The following CEP72 variants were observed in gnomAD, a reference collection of about 807,000 sequenced individuals.
The protein encoded by CEP72 is centrosomal protein 72.
CEP72 carries 78 observed loss-of-function variants against 65.7 expected under a neutral mutation model. The ratio of observed to expected loss-of-function variants is 1.19; its 90% CI spans 0.99 to 1.43. The LOEUF (loss-of-function observed/expected upper bound fraction) is 1.43, where lower values mean the gene tolerates loss of function less well. Ranked by LOEUF, CEP72 falls within the 40% of genes most tolerant of loss-of-function variation. CEP72 has a pLI of 0.00. For synonymous variants in CEP72, 358 were observed against 351.7 expected (o/e 1.02, Z -0.20); for missense variants, 914 against 832.9 (o/e 1.10, Z -1.20).
chr5:674,629 C>A, the CEP72 span, among the ~76,000 whole-genome samples: 2 of 152,108 alleles, frequency 1.3e-5, no homozygotes, highest in East Asian at 3.9e-4. Context: ...TGGTGACCCA[C>A]CAGAGCGGCC....
Position 653,171 on chromosome 5 carries a change from G to A in CEP72, c.*18G>A. On this transcript the variant is annotated 3_prime_UTR_variant, in exon 12 of 12. Transcript: ENST00000264935. ...CCTGCTGACTCCTGCCGAGAAGCTG[G>A]GCCACCCCTTAAGCTTCCTGGTAAA... 1 of 1,583,936 alleles carries A rather than the reference G, an allele frequency of 6.3e-7. No homozygotes were observed. Among genetic ancestry groups the A allele is most frequent in the Non-Finnish European group, 8.6e-7 (1 of 1,167,582 alleles).
intron 11 of CEP72, among the ~76,000 whole-genome samples, chr5:649,133 G>C (rs1738705238): frequency 7.0e-6 from 1 of 143,124 alleles, no homozygotes; most frequent in Non-Finnish European, 1.5e-5. Context: ...TGTGAGGCGT[G>C]ACTGTGAGGC....
chr5:658,987 C>T (rs547320048), downstream of CEP72, among the ~76,000 whole-genome samples: 71 of 152,326 alleles, frequency 4.7e-4, no homozygotes, highest in African/African-American at 1.4e-3. Context: ...CTGATTGATC[C>T]ACCATCTCAT....
downstream of CEP72, among the ~76,000 whole-genome samples, chr5:654,455 CTG>C (rs70955277): frequency 1.1e-4 from 17 of 148,880 alleles, no homozygotes; most frequent in Admixed American, 2.7e-4. Context: ...GTGTGTGCTT[CTG>C]TGTGTGTGTG....
intron 1 of CEP72, among the ~76,000 whole-genome samples, chr5:615,568 C>T (rs897998250): frequency 1.3e-5 from 2 of 152,116 alleles, no homozygotes; most frequent in Non-Finnish European, 2.9e-5. Flanking sequence ...AACTTTTAAC[C>T]TACCTGTATC....
At chr5:619,601 C>T (rs1029462639) in intron 2 of CEP72, among the ~76,000 whole-genome samples, 1 of 152,220 alleles carries the variant, frequency 6.6e-6, no homozygotes, top group African/African-American at 2.4e-5. Context: ...GAGCCTGGTG[C>T]CTGAGCATTA....
downstream of CEP72, among the ~76,000 whole-genome samples, chr5:668,573 T>C (rs934879433): frequency 3.3e-5 from 5 of 152,198 alleles, no homozygotes; most frequent in Non-Finnish European, 7.4e-5. Flanking sequence ...CACCTCGAGC[T>C]GAGCAGGCCG....
At chr5:634,897 TTTG>T (rs1470756657) in intron 5 of CEP72, among the ~76,000 whole-genome samples, 2 of 152,204 alleles carry the variant, frequency 1.3e-5, no homozygotes, top group African/African-American at 4.8e-5. Flanking sequence ...TATTTTGTTT[TTTG>T]TTTTGTTTAT....
Position 639,060 on chromosome 5 carries a change from C to T in CEP72, c.1207-29C>T, listed in dbSNP as rs372315632. On this transcript the variant is annotated intron_variant, in intron 7 of 11. Coordinates refer to ENST00000264935, the MANE Select transcript of CEP72 (RefSeq NM_018140.4). ...ATTCAGGACCTCAGTTACTGACTCG[C>T]TGGCCTCATGCTGTTGTTTCCATCA... The T allele has an allele frequency of 6.6e-5, 107 of 1,612,604 alleles. No homozygotes were observed. In the African/African-American group the frequency reaches 1.1e-3, roughly 17 times the overall value.
rs544690394 is a variant in CEP72, at chr5:624,904, C to T, written c.512+325C>T. 1.3e-5 allele frequency among the ~76,000 whole-genome samples: 2 copies of T among 152,356 alleles called. No individual in the cohort carries two copies. The highest frequency in any genetic ancestry group is 2.1e-4 in the South Asian group (1 of 4,830). Reference sequence around the variant, plus strand: ...TGTGGCTGCCTCTGCTTCCAGCTCTCGCTTCAGCTACTTTCTTAGCTGCCC... The same window carrying T: ...TGTGGCTGCCTCTGCTTCCAGCTCTTGCTTCAGCTACTTTCTTAGCTGCCC... On this transcript the variant is annotated intron_variant, in intron 4 of 11. Transcript: ENST00000264935. The surrounding 1 kb of genome is among the most constrained non-coding windows in gnomAD (Gnocchi z 4.7).
Position 644,483 on chromosome 5 carries a change from G to A in CEP72, c.1666+58G>A, listed in dbSNP as rs1342794525. The A allele has an allele frequency of 3.2e-6, 5 of 1,580,942 alleles. No homozygotes were observed. In the South Asian group the frequency reaches 3.4e-5, roughly 11 times the overall value. ...ACTTTAGGTGTTCAAATGTGCCTAG[G>A]TAGACTTTGTTTTAAATTCTTCACT... On this transcript the variant is annotated intron_variant, in intron 10 of 11. Transcript: ENST00000264935.
At chr5:640,305 T>C (rs1737923450) in intron 8 of CEP72, 103 bp from the exon 9 acceptor site, 1 of 1,500,330 alleles carries the variant, frequency 6.7e-7, no homozygotes, top group East Asian at 2.3e-5. Context: ...CTGTCGTCTT[T>C]TTGAGGCATC....
At chr5:622,665 C>T (rs989816430) in intron 3 of CEP72, among the ~76,000 whole-genome samples, 1 of 152,228 alleles carries the variant, frequency 6.6e-6, no homozygotes, top group African/African-American at 2.4e-5. Flanking sequence ...GAGCATGCGG[C>T]GTGCATGCGT....
chr5:636,994 T>G (rs1737649504), intron 6 of CEP72, among the ~76,000 whole-genome samples: 1 of 151,938 alleles, frequency 6.6e-6, no homozygotes, highest in African/African-American at 2.4e-5. Flanking sequence ...GCTGTGCCCG[T>G]TTTGTGCCTT....
intron 9 of CEP72, chr5:643,621 C>A (rs1479987254): frequency 2.0e-6 from 2 of 985,112 alleles, no homozygotes; most frequent in Non-Finnish European, 2.4e-6. Flanking sequence ...CTGCTCAGCA[C>A]CCCCGGCCCC....
the CEP72 span, among the ~76,000 whole-genome samples, chr5:672,891 T>C: frequency 6.6e-6 from 1 of 152,202 alleles, no homozygotes; most frequent in African/African-American, 2.4e-5. Context: ...ATTTAACACA[T>C]AGTAACATCA....
At chr5:654,073 T>C (rs1026078279), downstream of CEP72, among the ~76,000 whole-genome samples, 111 of 132,500 alleles carry the variant, frequency 8.4e-4, 3 homozygotes, top group Admixed American at 8.1e-3. Flanking sequence ...GTGCTGTGTG[T>C]GCGCCTAGTG....
At chr5:671,082 C>A (rs982464808), downstream of CEP72, among the ~76,000 whole-genome samples, 2 of 152,234 alleles carry the variant, frequency 1.3e-5, no homozygotes, top group African/African-American at 4.8e-5. Context: ...GAAGCCCCCA[C>A]ACAGCCGGTC....
At chr5:642,426 C>A (rs535556743) in intron 9 of CEP72, 11 of 985,444 alleles carry the variant, frequency 1.1e-5, no homozygotes, top group Non-Finnish European at 1.2e-5. Flanking sequence ...CACACGTGAC[C>A]GGCTGTCTGG....
Sources: gnomAD v4.1 joint callset for allele counts (sites outside exome capture counted in the v4.1 genomes callset) on GRCh38, gnomAD v4.1.1 for gene constraint, Gnocchi (gnomAD v3.1) non-coding constraint, MANE v1.5 for transcripts, NCBI Gene and HGNC (gene_info 2026-07-23, HGNC 2026-07-21) for gene names.